Variants in TENM2 observed in about 807,000 individuals in gnomAD.
TENM2 encodes the protein teneurin-2.
Under a neutral mutation model 245.2 loss-of-function variants are expected in TENM2, and 52 were observed. The ratio of observed to expected loss-of-function variants is 0.21; its 90% CI spans 0.17 to 0.27. The LOEUF is 0.27. Ranked by LOEUF, TENM2 falls within the 10% of genes least tolerant of loss-of-function variation. The pLI, the probability that TENM2 is intolerant of heterozygous loss-of-function variation, is 1.00. For missense variants in TENM2, 3,046 were observed against 3,666.8 expected (o/e 0.83, Z 4.37); for synonymous variants, 1,363 against 1,438.9 (o/e 0.95, Z 1.19).
intron 2 of TENM2, among the ~76,000 whole-genome samples, chr5:167,553,173 T>C (rs1257137354): frequency 6.6e-6 from 1 of 151,996 alleles, no homozygotes; most frequent in African/African-American, 2.4e-5. Flanking sequence ...AACTAAAGGA[T>C]GAAGAATAGT....
intron 2 of TENM2, among the ~76,000 whole-genome samples, chr5:167,400,336 G>A (rs1477700120): frequency 6.6e-6 from 1 of 152,004 alleles, no homozygotes; most frequent in Non-Finnish European, 1.5e-5. Context: ...GTAGAGACAG[G>A]TTCATAGAGA....
chr5:168,253,897 G>A (rs1000348987), intron 27 of TENM2, among the ~76,000 whole-genome samples: 2 of 152,234 alleles, frequency 1.3e-5, no homozygotes, highest in African/African-American at 4.8e-5. Flanking sequence ...CAAAGCCCCA[G>A]ATAAAATTTG....
the TENM2 span, among the ~76,000 whole-genome samples, chr5:167,154,283 G>A: frequency 6.6e-6 from 1 of 152,124 alleles, no homozygotes; most frequent in Non-Finnish European, 1.5e-5. Context: ...TTTAAAACTT[G>A]CAAGCATTTT....
the TENM2 span, among the ~76,000 whole-genome samples, chr5:166,979,174 T>TAGCAGCAGCAGCACCACCACCAGCAGC: frequency 1.2e-4 from 16 of 132,384 alleles, no homozygotes; most frequent in African/African-American, 1.2e-4. Context: ...GTTTCCGAAG[T>TAGCAGCAGCAGCACCACCACCAGCAGC]AGCAGCAGCA....
the TENM2 span, among the ~76,000 whole-genome samples, chr5:167,161,186 C>T: frequency 6.6e-6 from 1 of 152,128 alleles, no homozygotes; most frequent in African/African-American, 2.4e-5. Context: ...CTCCAAAAAA[C>T]TAATATGTTA....
chr5:167,273,289 G>A, the TENM2 span, among the ~76,000 whole-genome samples: 2 of 152,158 alleles, frequency 1.3e-5, no homozygotes, highest in African/African-American at 2.4e-5. Context: ...TAGCAGTAAC[G>A]AGCTGGCAGA....
the TENM2 span, among the ~76,000 whole-genome samples, chr5:167,152,683 G>A: frequency 3.9e-5 from 6 of 152,106 alleles, no homozygotes; most frequent in Admixed American, 3.9e-4. Flanking sequence ...AGTGTTGAAA[G>A]TGGCTTTCAA....
the TENM2 span, among the ~76,000 whole-genome samples, chr5:167,213,486 A>G: frequency 1.3e-5 from 2 of 152,146 alleles, no homozygotes; most frequent in African/African-American, 4.8e-5. Flanking sequence ...TCACCTCCCA[A>G]AGGCCCCACC....
At chr5:167,846,996 A>C (rs1317018048) in intron 2 of TENM2, among the ~76,000 whole-genome samples, 8 of 152,140 alleles carry the variant, frequency 5.3e-5, no homozygotes, top group Non-Finnish European at 1.5e-5. Context: ...TCATTCTGTC[A>C]CACAGGCTGG....
chr5:167,103,878 G>A, the TENM2 span, among the ~76,000 whole-genome samples: 1 of 151,558 alleles, frequency 6.6e-6, no homozygotes, highest in African/African-American at 2.4e-5. Flanking sequence ...ACATGTGCAT[G>A]TGTGTACACA....
chr5:167,638,374 C>G (rs1779351915), intron 2 of TENM2, among the ~76,000 whole-genome samples: 1 of 152,148 alleles, frequency 6.6e-6, no homozygotes, highest in South Asian at 2.1e-4. Flanking sequence ...TGGACAGCAG[C>G]TATCAGTTAA....
the TENM2 span, among the ~76,000 whole-genome samples, chr5:167,271,412 T>C: frequency 6.6e-6 from 1 of 152,186 alleles, no homozygotes; most frequent in East Asian, 1.9e-4. Context: ...GGTGTAACCA[T>C]GCTGTCTTTC....
intron 9 of TENM2, among the ~76,000 whole-genome samples, chr5:168,104,229 A>G (rs1442226551): frequency 6.6e-6 from 1 of 152,062 alleles, no homozygotes; most frequent in East Asian, 1.9e-4. Flanking sequence ...AGGTTTCACC[A>G]TGTCAGCCAG....
chr5:168,163,835 C>T (rs987192481), intron 13 of TENM2, among the ~76,000 whole-genome samples: 1 of 152,252 alleles, frequency 6.6e-6, no homozygotes, highest in Non-Finnish European at 1.5e-5. Flanking sequence ...TAATCTATAA[C>T]TAAGGTTTGG....
chr5:168,263,024 C>T (rs988627667), downstream of TENM2: 6 of 507,576 alleles, frequency 1.2e-5, no homozygotes, highest in East Asian at 5.9e-5. Flanking sequence ...CTGAAAATTC[C>T]GAGGAAAACA....
the TENM2 span, among the ~76,000 whole-genome samples, chr5:167,268,184 T>G: frequency 6.6e-6 from 1 of 152,176 alleles, no homozygotes; most frequent in Non-Finnish European, 1.5e-5. Context: ...TAATTTGATG[T>G]AATTGTGGCT....
chr5:167,236,263 C>T, the TENM2 span, among the ~76,000 whole-genome samples: 4 of 152,134 alleles, frequency 2.6e-5, no homozygotes, highest in Non-Finnish European at 5.9e-5. Context: ...ATATAGGACT[C>T]ATACATGTCT....
the TENM2 span, among the ~76,000 whole-genome samples, chr5:167,005,257 T>G: frequency 6.6e-6 from 1 of 152,280 alleles, no homozygotes; most frequent in African/African-American, 2.4e-5. Context: ...AATGGTCTGT[T>G]GAGGGTAGAC....
In TENM2 at chr5:167,430,528, G is replaced by A. The variant is rs114224876; in HGVS notation, c.502+55055G>A. ...TGGCATTTGGGCTTCCGGAGATGGC[G>A]GGGGGTCTGGTTTGCTGTCTGTTAA... On this transcript the variant is annotated intron_variant, in intron 2 of 28. Coordinates refer to ENST00000518659, the Ensembl canonical transcript of TENM2. Among the ~76,000 whole-genome samples the A allele has an allele frequency of 6.2e-3, 946 of 152,036 alleles. 5 individuals are homozygous for A. The highest frequency in any genetic ancestry group is 0.022 in the African/African-American group (902 of 41,392).
Sources: allele counts gnomAD v4.1 joint callset (sites outside exome capture counted in the v4.1 genomes callset), GRCh38; gene constraint gnomAD v4.1.1; transcripts MANE v1.5; gene names NCBI Gene and HGNC (gene_info 2026-07-23, HGNC 2026-07-21).